BEND7: variants seen among roughly 807,000 people sequenced by gnomAD.
BEND7 encodes BEN domain-containing protein 7.
Under a neutral mutation model 50.9 loss-of-function variants are expected in BEND7, and 28 were observed. That is an observed-to-expected ratio of 0.55 (90% CI 0.41 to 0.75). The LOEUF (loss-of-function observed/expected upper bound fraction) is 0.75, where lower values mean the gene tolerates loss of function less well. Among genes scored for constraint, BEND7 ranks in the 30% least tolerant of loss-of-function variants. The probability of loss-of-function intolerance (pLI) is 0.00; values close to 1 mark genes in which losing one functional copy is unlikely to be tolerated. For missense variants in BEND7, 477 were observed against 491.3 expected (o/e 0.97, Z 0.28); for synonymous variants, 170 against 183.9 (o/e 0.92, Z 0.61).
At chr10:13,502,763 G>C (rs145739246) in intron 2 of BEND7, 31 of 257,962 alleles carry the variant, frequency 1.2e-4, no homozygotes, top group African/African-American at 6.7e-4. Flanking sequence ...TCCATGCAGA[G>C]ACTAGCCTTC....
At chr10:13,526,768 C>T (rs1554800107) in intron 1 of BEND7, among the ~76,000 whole-genome samples, 2 of 152,190 alleles carry the variant, frequency 1.3e-5, no homozygotes, top group Non-Finnish European at 2.9e-5. Context: ...ACACAAGTGA[C>T]TCTTTCGCAT....
chr10:13,461,811 A>C (rs1324011307), intron 6 of BEND7, among the ~76,000 whole-genome samples: 2 of 152,140 alleles, frequency 1.3e-5, no homozygotes, highest in African/African-American at 4.8e-5. Flanking sequence ...ATAAAACTAT[A>C]AGTGAGCAGA....
intron 4 of BEND7, among the ~76,000 whole-genome samples, chr10:13,495,912 A>G (rs560002361): frequency 7.2e-5 from 11 of 152,330 alleles, no homozygotes; most frequent in African/African-American, 2.6e-4. Flanking sequence ...ATGTCCCTTG[A>G]CAAGAGGGAA....
chr10:13,438,987 G>T (rs758950820), downstream of BEND7: 3 of 604,364 alleles, frequency 5.0e-6, no homozygotes, highest in Admixed American at 3.0e-5. Flanking sequence ...AGAATGACTC[G>T]GTTGCATATT....
intron 6 of BEND7, among the ~76,000 whole-genome samples, chr10:13,472,769 G>A (rs568861442): frequency 3.6e-4 from 54 of 149,158 alleles, no homozygotes; most frequent in African/African-American, 1.3e-3. Context: ...TAGACTCAGG[G>A]TCAATATCCG....
At position 13,441,417 on chromosome 10, in the gene BEND7, G is replaced by A. The variant is rs1250502067; in HGVS notation, c.*326C>T. On this transcript the variant is annotated 3_prime_UTR_variant, in exon 9 of 9. Coordinates refer to ENST00000466271, the MANE Select transcript of BEND7 (RefSeq NM_001369863.1). The stretch of plus-strand genomic sequence containing the variant: ...GATTTTGCTGTTGCAGTTTTGATAC[G>A]TATTTCCAGTGTGTAGATCCGTTCA... The A allele has an allele frequency of 4.3e-6, 5 of 1,154,508 alleles. No homozygotes were observed. Among genetic ancestry groups the A allele is most frequent in the East Asian group, 4.3e-5 (1 of 23,422 alleles). 71.5% of individuals were successfully genotyped at this position (1,154,508 alleles called of 1,614,324 possible).
At chr10:13,447,800 AT>A (rs1370042492) in intron 7 of BEND7, among the ~76,000 whole-genome samples, 2 of 152,126 alleles carry the variant, frequency 1.3e-5, no homozygotes, top group African/African-American at 4.8e-5. Context: ...ACTTTTTAAA[AT>A]CTTATGAACC....
chr10:13,477,490 A>G (rs2075537905), intron 6 of BEND7, among the ~76,000 whole-genome samples: 1 of 152,218 alleles, frequency 6.6e-6, no homozygotes, highest in Admixed American at 6.5e-5. Context: ...TTTTTTAAAA[A>G]ATCTCTACGA....
intron 5 of BEND7, among the ~76,000 whole-genome samples, chr10:13,483,172 T>A (rs919318565): frequency 3.3e-5 from 5 of 152,164 alleles, no homozygotes; most frequent in Admixed American, 1.3e-4. Flanking sequence ...TAGTTACTTA[T>A]ATAATCTCAG....
chr10:13,447,100 C>T (rs754323022), intron 8 of BEND7, 166 bp downstream of exon 8: 1 of 686,562 alleles, frequency 1.5e-6, no homozygotes, highest in African/African-American at 1.8e-5. Context: ...TGAAAAACAT[C>T]TCTGAGTACG....
intron 6 of BEND7, among the ~76,000 whole-genome samples, chr10:13,453,295 G>T (rs1419223340): frequency 6.6e-6 from 1 of 152,196 alleles, no homozygotes; most frequent in African/African-American, 2.4e-5. Context: ...ACAGTGTGTG[G>T]CCGCACACGC....
chr10:13,509,323 C>G (rs771646021), intron 2 of BEND7, among the ~76,000 whole-genome samples: 2 of 152,212 alleles, frequency 1.3e-5, no homozygotes, highest in Non-Finnish European at 2.9e-5. Flanking sequence ...CTTCTATCCA[C>G]CAAGATGTGC....
chr10:13,481,088 T>C lies in BEND7; in HGVS notation c.874A>G (p.Met292Val), dbSNP rs1286421776. 6 of 1,614,000 alleles carry C rather than the reference T, an allele frequency of 3.7e-6. No homozygotes were observed. Among genetic ancestry groups the C allele is most frequent in the Admixed American group, 1.7e-5 (1 of 60,000 alleles). The change falls in exon 6 of 9, where the codon ATG becomes GTG. Residue 292 changes from methionine (M) to valine (V), a missense_variant. Met to Val is a conservative substitution (Grantham distance 21). Around this residue, in one of 3 missense-constraint regions of BEND7, gnomAD observed 396 missense variants for 384.2 expected, o/e 1.03. Coordinates refer to ENST00000466271, the MANE Select transcript of BEND7 (RefSeq NM_001369863.1). ...VQLAEGFDVF[M>V]PKSQLDSILS... ...ATAGAGTCCAGCTGAGATTTAGGCA[T>C]AAACACGTCAAAGCCTTCAGCAAGT... is the stretch of plus-strand genomic sequence containing the variant.
chr10:13,441,702 A>G lies in BEND7; in HGVS notation c.*41T>C. 1 of 1,613,302 alleles carries G rather than the reference A, an allele frequency of 6.2e-7. No individual in the cohort carries two copies. The highest frequency in any genetic ancestry group is 8.5e-7 in the Non-Finnish European group (1 of 1,179,758). On this transcript the variant is annotated 3_prime_UTR_variant, in exon 9 of 9. Coordinates refer to ENST00000466271, the MANE Select transcript of BEND7 (RefSeq NM_001369863.1). The stretch of plus-strand genomic sequence containing the variant: ...AGGCAGAGGACGGATTTTAAAACCC[A>G]TGGTGCAAAAAACACAAGAGCTGTG...
At chr10:13,468,965 T>C (rs1328989733) in intron 6 of BEND7, among the ~76,000 whole-genome samples, 5 of 152,224 alleles carry the variant, frequency 3.3e-5, no homozygotes, top group African/African-American at 9.6e-5. Context: ...ACAGGCCCCA[T>C]GCCCTGCAGG....
At position 13,498,341 on chromosome 10, in the gene BEND7, C is replaced by T. The variant is rs1374983150; in HGVS notation, c.448+1437G>A. The stretch of plus-strand genomic sequence containing the variant: ...ATCCACTCATCTCGGCCTCCCAAAG[C>T]GTTAGGACTACAGGCACGAGCCACC... On this transcript the variant is annotated intron_variant, in intron 3 of 8. Transcript: ENST00000466271. Among the ~76,000 whole-genome samples the T allele has an allele frequency of 2.0e-5, 3 of 152,066 alleles. No individual in the cohort carries two copies. The East Asian group carries it at 5.8e-4, about 29-fold the overall frequency.
Position 13,467,675 on chromosome 10 carries a change from C to G in BEND7, c.1063+13224G>C, listed in dbSNP as rs906918948. Among the ~76,000 whole-genome samples, 9 of 152,314 alleles carry G rather than the reference C, an allele frequency of 5.9e-5. 1 individual carries two copies. Among genetic ancestry groups the G allele is most frequent in the African/African-American group, 9.6e-5 (4 of 41,570 alleles). Reference sequence around the variant, plus strand: ...AATCTTCAAATTTATATTCTGCCTCCTTGAATTTCAGCTGCCCTTTTCCAA... The same window carrying G: ...AATCTTCAAATTTATATTCTGCCTCGTTGAATTTCAGCTGCCCTTTTCCAA... On this transcript the variant is annotated intron_variant, in intron 6 of 8. Coordinates refer to ENST00000466271, the MANE Select transcript of BEND7 (RefSeq NM_001369863.1).
At chr10:13,506,654 T>A (rs1317616014) in intron 2 of BEND7, among the ~76,000 whole-genome samples, 1 of 152,188 alleles carries the variant, frequency 6.6e-6, no homozygotes, top group African/African-American at 2.4e-5. Flanking sequence ...GGCAAAATTA[T>A]GGTGAAACCG....
chr10:13,528,410 C>G (rs896577157), intron 1 of BEND7, 63 bp downstream of exon 1: 1 of 826,814 alleles, frequency 1.2e-6, no homozygotes, highest in Non-Finnish European at 1.5e-6. Flanking sequence ...CAGCGTGGAC[C>G]CCCGCGGGCG....
Sources: gnomAD v4.1 joint callset for allele counts (sites outside exome capture counted in the v4.1 genomes callset) on GRCh38, gnomAD v4.1.1 for gene constraint, gnomAD v4.1.1 regional missense constraint, MANE v1.5 for transcripts, NCBI Gene and HGNC (gene_info 2026-07-23, HGNC 2026-07-21) for gene names.